UVRAG: variants seen among roughly 807,000 people sequenced by gnomAD.
UVRAG encodes UV radiation resistance-associated gene protein.
Under a neutral mutation model 78.0 loss-of-function variants are expected in UVRAG, and 19 were observed. The ratio of observed to expected loss-of-function variants is 0.24; its 90% CI spans 0.17 to 0.36. The LOEUF is 0.36. Among genes scored for constraint, UVRAG ranks in the 10% least tolerant of loss-of-function variants. The pLI is 1.00. For missense variants in UVRAG, 740 were observed against 853.8 expected, an observed-to-expected ratio of 0.87 and a Z score of 1.66; for synonymous variants, 323 against 324.6, an observed-to-expected ratio of 1.00 and a Z score of 0.05.
chr11:75,873,901 A>C (rs189360879), intron 3 of UVRAG, among the ~76,000 whole-genome samples: 161 of 152,328 alleles, frequency 1.1e-3, no homozygotes, highest in African/African-American at 3.7e-3. Context: ...CAGCATTCCT[A>C]GCTACAGTTT....
At chr11:75,864,886 T>C (rs1946503877) in intron 3 of UVRAG, among the ~76,000 whole-genome samples, 1 of 152,196 alleles carries the variant, frequency 6.6e-6, no homozygotes, top group African/African-American at 2.4e-5. Context: ...CATGTAACTT[T>C]GAGATACAGA....
In UVRAG at chr11:76,128,108, G is replaced by C. The variant is rs116248460; in HGVS notation, c.1397+12093G>C. Among the ~76,000 whole-genome samples, 4 of 152,224 alleles carry C rather than the reference G, an allele frequency of 2.6e-5. No individual in the cohort carries two copies. In the East Asian group the frequency reaches 5.8e-4, roughly 22 times the overall value. ...ATTAGCACTGGGGTCCCCAACCCTC[G>C]GCCATGTACCAGTAGCAGTCCATGT... On this transcript the variant is annotated intron_variant, in intron 14 of 14. Coordinates refer to ENST00000356136, the MANE Select transcript of UVRAG (RefSeq NM_003369.4).
intron 12 of UVRAG, among the ~76,000 whole-genome samples, chr11:76,024,337 G>A (rs1404847579): frequency 2.6e-5 from 4 of 152,108 alleles, no homozygotes; most frequent in Non-Finnish European, 5.9e-5. Flanking sequence ...TGATTTTCTC[G>A]AGTGATCTGG....
At chr11:76,133,423 T>C (rs770166692) in intron 14 of UVRAG, among the ~76,000 whole-genome samples, 9 of 152,060 alleles carry the variant, frequency 5.9e-5, no homozygotes, top group Admixed American at 1.3e-4. Context: ...TCTTTCCCAA[T>C]CTCTTTTCTG....
intron 8 of UVRAG, among the ~76,000 whole-genome samples, chr11:76,001,776 A>G (rs778109951): frequency 4.6e-5 from 7 of 152,194 alleles, no homozygotes; most frequent in Non-Finnish European, 7.3e-5. Flanking sequence ...TGAGTTATAA[A>G]TCATTGAAAA....
At chr11:75,940,746 G>GA (rs1301793315) in intron 6 of UVRAG, among the ~76,000 whole-genome samples, 1 of 152,034 alleles carries the variant, frequency 6.6e-6, no homozygotes, top group Non-Finnish European at 1.5e-5. Flanking sequence ...ATAAACCTTT[G>GA]AAAAAATGTA....
intron 12 of UVRAG, among the ~76,000 whole-genome samples, chr11:76,051,572 G>A (rs1454654627): frequency 6.6e-6 from 1 of 152,092 alleles, no homozygotes; most frequent in Admixed American, 6.5e-5. Flanking sequence ...AAAAAAAGGA[G>A]GGGGGATTAT....
Position 76,112,418 on chromosome 11 carries a change from C to T in UVRAG, c.1306-3506C>T, listed in dbSNP as rs77024622. On this transcript the variant is annotated intron_variant, in intron 13 of 14. Transcript: ENST00000356136. The stretch of plus-strand genomic sequence containing the variant: ...GGTGTCATGAAAGTTACCTCCCATG[C>T]TATCCTTTCCCAGAAAGATATTATA... 4.2e-3 allele frequency among the ~76,000 whole-genome samples: 636 copies of T among 152,256 alleles called. 4 individuals carry two copies. The highest frequency in any genetic ancestry group is 7.3e-3 in the Non-Finnish European group (499 of 68,004).
At chr11:75,848,041 A>AC (rs1946074019) in intron 1 of UVRAG, among the ~76,000 whole-genome samples, 1 of 151,386 alleles carries the variant, frequency 6.6e-6, no homozygotes, top group Non-Finnish European at 1.5e-5. Flanking sequence ...AAAAAAAAAA[A>AC]AAAAAATTTA....
chr11:76,087,642 T>A (rs1314928032), intron 13 of UVRAG, among the ~76,000 whole-genome samples: 1 of 152,224 alleles, frequency 6.6e-6, no homozygotes, highest in East Asian at 1.9e-4. Context: ...GCTTTATAAA[T>A]GAAGGATCAA....
intron 13 of UVRAG, among the ~76,000 whole-genome samples, chr11:76,092,256 G>A (rs1477644630): frequency 6.6e-6 from 1 of 152,128 alleles, no homozygotes; most frequent in Non-Finnish European, 1.5e-5. Flanking sequence ...ATTTGGGTTG[G>A]TTCCAAGTCT....
In UVRAG at chr11:75,994,236, A is replaced by C. The variant is rs185831744; in HGVS notation, c.827-9769A>C. ...GTGGGAAGAAGCTACTTTTTAATAC[A>C]ATTACTTTCTTGATAATAAGGATAA... On this transcript the variant is annotated intron_variant, in intron 8 of 14. Coordinates refer to ENST00000356136, the MANE Select transcript of UVRAG (RefSeq NM_003369.4). 3.9e-4 allele frequency among the ~76,000 whole-genome samples: 60 copies of C among 152,318 alleles called. No homozygotes were observed. In the East Asian group the frequency reaches 6.0e-3, roughly 15 times the overall value.
intron 2 of UVRAG, among the ~76,000 whole-genome samples, chr11:75,853,688 C>A (rs1252507076): frequency 1.3e-5 from 2 of 151,726 alleles, no homozygotes; most frequent in Non-Finnish European, 2.9e-5. Flanking sequence ...CTCTAAATTC[C>A]ACTATCCTCA....
intron 12 of UVRAG, among the ~76,000 whole-genome samples, chr11:76,039,684 G>A (rs1950604958): frequency 2.0e-5 from 3 of 152,232 alleles, no homozygotes; most frequent in Admixed American, 6.5e-5. Context: ...AGACCAGCCT[G>A]GCCAGCATGG....
intron 7 of UVRAG, among the ~76,000 whole-genome samples, chr11:75,969,299 G>C (rs932488256): frequency 6.6e-6 from 1 of 152,140 alleles, no homozygotes; most frequent in African/African-American, 2.4e-5. Flanking sequence ...CTTCATCCAT[G>C]GTGTAGCATA....
chr11:76,084,322 T>C (rs928122668), intron 13 of UVRAG, among the ~76,000 whole-genome samples: 1 of 152,232 alleles, frequency 6.6e-6, no homozygotes, highest in Admixed American at 6.5e-5. Flanking sequence ...TTTATTTCTA[T>C]AAAGGCGGTA....
Position 75,896,655 on chromosome 11 carries a change from T to C in UVRAG, c.507+7752T>C, listed in dbSNP as rs557807812. On this transcript the variant is annotated intron_variant, in intron 5 of 14. Transcript: ENST00000356136. ...CTCTAGCACAGTGCCTGGTATGTAG[T>C]AGGCTCTCAGTAAAACTTTGTTAGT... 2.0e-3 allele frequency among the ~76,000 whole-genome samples: 301 copies of C among 152,320 alleles called. 1 individual carries two copies. The highest frequency in any genetic ancestry group is 6.5e-3 in the African/African-American group (271 of 41,570).
intron 12 of UVRAG, among the ~76,000 whole-genome samples, chr11:76,038,627 C>T (rs1158496894): frequency 1.3e-5 from 2 of 152,160 alleles, no homozygotes; most frequent in Non-Finnish European, 2.9e-5. Context: ...AATTTTCCTC[C>T]CATGATTAAG....
chr11:76,046,712 TC>T (rs1169095017), intron 12 of UVRAG, among the ~76,000 whole-genome samples: 1 of 151,978 alleles, frequency 6.6e-6, no homozygotes, highest in African/African-American at 2.4e-5. Context: ...ATCCTCATCT[TC>T]CCCAGTATAT....
Sources: allele counts gnomAD v4.1 joint callset (sites outside exome capture counted in the v4.1 genomes callset), GRCh38; gene constraint gnomAD v4.1.1; transcripts MANE v1.5; gene names NCBI Gene and HGNC (gene_info 2026-07-23, HGNC 2026-07-21).